The following ADAMTSL1 variants were observed in gnomAD, a reference collection of about 807,000 sequenced individuals.
ADAMTSL1 encodes ADAMTS-like protein 1.
ADAMTSL1 carries 126 observed loss-of-function variants against 201.8 expected under a neutral mutation model. The ratio of observed to expected loss-of-function variants is 0.62; its 90% CI spans 0.54 to 0.72. ADAMTSL1 has a LOEUF of 0.72. Ranked by LOEUF, ADAMTSL1 falls within the 30% of genes least tolerant of loss-of-function variation. The pLI is 0.00. For missense variants in ADAMTSL1, 2,679 were observed against 2,277.8 expected, an observed-to-expected ratio of 1.18 and a Z score of -3.59; for synonymous variants, 1,121 against 903.4, an observed-to-expected ratio of 1.24 and a Z score of -4.32.
chr9:18,009,027 G>T (rs1034658921), intron 1 of ADAMTSL1, among the ~76,000 whole-genome samples: 2 of 151,858 alleles, frequency 1.3e-5, no homozygotes, highest in African/African-American at 4.8e-5. Context: ...CATGTCTCTT[G>T]CTGGTTACTC....
intron 2 of ADAMTSL1, among the ~76,000 whole-genome samples, chr9:18,216,486 T>C (rs749041866): frequency 4.6e-5 from 7 of 152,042 alleles, no homozygotes; most frequent in Admixed American, 1.3e-4. Context: ...TAACTTAGCA[T>C]AGGCATGAGG....
intron 2 of ADAMTSL1, among the ~76,000 whole-genome samples, chr9:18,397,015 T>C (rs189935609): frequency 2.1e-5 from 3 of 145,782 alleles, no homozygotes; most frequent in Admixed American, 1.3e-4. Flanking sequence ...GAATCCCTGA[T>C]GATGATTTTT....
intron 1 of ADAMTSL1, among the ~76,000 whole-genome samples, chr9:18,060,692 T>C (rs562109928): frequency 2.0e-5 from 3 of 152,314 alleles, no homozygotes; most frequent in Admixed American, 6.5e-5. Flanking sequence ...GGTTAACTAC[T>C]ATTAATAATT....
intron 1 of ADAMTSL1, among the ~76,000 whole-genome samples, chr9:17,961,466 G>GTC (rs1329060294): frequency 1.3e-5 from 2 of 152,026 alleles, no homozygotes; most frequent in Admixed American, 6.6e-5. Flanking sequence ...GGTCAGGCTG[G>GTC]TCTCGAACTC....
chr9:18,678,434 A>G (rs1830249482), intron 10 of ADAMTSL1, among the ~76,000 whole-genome samples: 1 of 152,168 alleles, frequency 6.6e-6, no homozygotes, highest in Admixed American at 6.5e-5. Context: ...AAGTATTCAC[A>G]TGATAATTTT....
At chr9:17,922,686 G>A (rs1826351730) in intron 1 of ADAMTSL1, among the ~76,000 whole-genome samples, 1 of 151,432 alleles carries the variant, frequency 6.6e-6, no homozygotes, top group Non-Finnish European at 1.5e-5. Flanking sequence ...TTGTTAGAGG[G>A]AGAGGTGGGA....
At chr9:18,248,381 T>G (rs1206206235) in intron 2 of ADAMTSL1, among the ~76,000 whole-genome samples, 2 of 152,252 alleles carry the variant, frequency 1.3e-5, no homozygotes, top group Admixed American at 6.5e-5. Context: ...TATTCCAGAC[T>G]GCTGCACTGG....
At chr9:18,533,764 T>C (rs1819589279) in intron 3 of ADAMTSL1, among the ~76,000 whole-genome samples, 1 of 152,174 alleles carries the variant, frequency 6.6e-6, no homozygotes, top group South Asian at 2.1e-4. Context: ...TGTAGTATAG[T>C]AAGAGGTATA....
At chr9:18,054,906 T>C (rs985657165) in intron 1 of ADAMTSL1, among the ~76,000 whole-genome samples, 1 of 152,210 alleles carries the variant, frequency 6.6e-6, no homozygotes, top group African/African-American at 2.4e-5. Context: ...GTAGAAGTAG[T>C]ACTGAACTGG....
At chr9:18,099,326 A>AATATATATATATATATATATATATAT (rs71333027) in intron 1 of ADAMTSL1, among the ~76,000 whole-genome samples, 19 of 57,584 alleles carry the variant, frequency 3.3e-4, no homozygotes, top group Admixed American at 8.8e-4. Flanking sequence ...GCAAATGGAA[A>AATATATATATATATATATATATATAT]ATATATATAT....
At chr9:18,277,530 T>G (rs1429203086) in intron 2 of ADAMTSL1, among the ~76,000 whole-genome samples, 2 of 152,164 alleles carry the variant, frequency 1.3e-5, no homozygotes, top group African/African-American at 4.8e-5. Flanking sequence ...TATAATGACC[T>G]TCTATGTTGT....
intron 1 of ADAMTSL1, among the ~76,000 whole-genome samples, chr9:18,015,144 G>A (rs1820205002): frequency 6.6e-6 from 1 of 152,038 alleles, no homozygotes; most frequent in Non-Finnish European, 1.5e-5. Context: ...ATCTAGGGAA[G>A]TGAGACTGGG....
intron 2 of ADAMTSL1, among the ~76,000 whole-genome samples, chr9:18,235,838 T>C (rs1487232120): frequency 2.6e-5 from 4 of 152,200 alleles, no homozygotes; most frequent in African/African-American, 7.2e-5. Flanking sequence ...TACCATCCTC[T>C]TGCTGAGAAT....
intron 7 of ADAMTSL1, among the ~76,000 whole-genome samples, chr9:18,642,608 C>T (rs539278180): frequency 5.8e-4 from 88 of 151,880 alleles, no homozygotes; most frequent in Non-Finnish European, 1.1e-3. Context: ...CCCTGGTAGC[C>T]AATATTCTAC....
chr9:18,529,421 G>C (rs140255203), intron 2 of ADAMTSL1, among the ~76,000 whole-genome samples: 1 of 152,214 alleles, frequency 6.6e-6, no homozygotes, highest in Non-Finnish European at 1.5e-5. Flanking sequence ...TTGTTTGATA[G>C]ACTTAGGAGT....
chr9:18,017,285 G>A (rs1820298499), intron 1 of ADAMTSL1, among the ~76,000 whole-genome samples: 1 of 152,024 alleles, frequency 6.6e-6, no homozygotes, highest in Non-Finnish European at 1.5e-5. Context: ...CGTTCTGAAT[G>A]TTAGGTACAT....
chr9:18,830,018 C>T (rs368890864), intron 23 of ADAMTSL1, 41 bp downstream of exon 23: 11 of 1,569,832 alleles, frequency 7.0e-6, no homozygotes, highest in African/African-American at 1.4e-5. Flanking sequence ...AAAGCCAGGA[C>T]TGGACAGGAT....
intron 19 of ADAMTSL1, among the ~76,000 whole-genome samples, chr9:18,778,459 C>A (rs1821194650): frequency 1.3e-5 from 2 of 152,180 alleles, no homozygotes; most frequent in Non-Finnish European, 2.9e-5. Context: ...CTAATATCTC[C>A]TGTTGTCTCT....
intron 1 of ADAMTSL1, among the ~76,000 whole-genome samples, chr9:18,041,795 A>C (rs1821436442): frequency 6.6e-6 from 1 of 152,158 alleles, no homozygotes; most frequent in South Asian, 2.1e-4. Context: ...CTGATATCCC[A>C]AATCAGCTGA....
Sources: allele counts gnomAD v4.1 joint callset (sites outside exome capture counted in the v4.1 genomes callset), GRCh38; gene constraint gnomAD v4.1.1; transcripts MANE v1.5; gene names NCBI Gene and HGNC (gene_info 2026-07-23, HGNC 2026-07-21).